Variants in NFAT5 observed in about 807,000 individuals in gnomAD.
NFAT5 encodes nuclear factor of activated T-cells 5.
Under a neutral mutation model 166.5 loss-of-function variants are expected in NFAT5, and 31 were observed. That is an observed-to-expected ratio of 0.19 (90% CI 0.14 to 0.25). NFAT5 has a LOEUF of 0.25. Ranked by LOEUF, NFAT5 falls within the 10% of genes least tolerant of loss-of-function variation. The pLI is 1.00. For synonymous variants in NFAT5, 612 were observed against 639.7 expected (o/e 0.96, Z 0.65); for missense variants, 1,449 against 1,821.8 (o/e 0.80, Z 3.72).
At chr16:69,629,278 G>C (rs1406807254) in intron 3 of NFAT5, among the ~76,000 whole-genome samples, 1 of 152,130 alleles carries the variant, frequency 6.6e-6, no homozygotes, top group Non-Finnish European at 1.5e-5. Context: ...GGGCATATGA[G>C]TGTTCATGGA....
At chr16:69,694,325 T>G (rs1049844514) in intron 13 of NFAT5, 86 bp downstream of exon 13, 4 of 996,942 alleles carry the variant, frequency 4.0e-6, no homozygotes, top group Non-Finnish European at 5.8e-6. Context: ...CTCAGCTCAC[T>G]GCACCTGCAC....
chr16:69,648,949 C>T (rs2035561505), intron 4 of NFAT5: 1 of 977,536 alleles, frequency 1.0e-6, no homozygotes, highest in Non-Finnish European at 1.2e-6. Flanking sequence ...AATTACTCTA[C>T]ACCGCTTCTT....
At position 69,626,667 on chromosome 16, in the gene NFAT5, A is replaced by T. The variant is rs977218726; in HGVS notation, c.253+139A>T. 4.6e-5 allele frequency: 28 copies of T among 606,334 alleles called. No homozygotes were observed. In the Admixed American group the frequency reaches 1.2e-3, roughly 26 times the overall value. The allele number at this position is 606,334 out of a possible 1,614,324, so 37.6% of individuals were successfully genotyped here. On this transcript the variant is annotated intron_variant, in intron 3 of 14. Transcript: ENST00000349945. ...AAGAGGCATTAAAATATGTACTTTT[A>T]ACCTTAAACTTTTTCAATATTATTT...
rs573111661 is a variant in NFAT5, at chr16:69,680,360, C to T, written c.1690+3025C>T. 2.0e-5 allele frequency among the ~76,000 whole-genome samples: 3 copies of T among 152,260 alleles called. No individual in the cohort carries two copies. The South Asian group carries it at 6.2e-4, about 32-fold the overall frequency. Reference sequence around the variant, plus strand: ...CCTGAAAACACTGAGATTTTCTTGTCTTCACTTGTTTCTTTGTTTTTATTG... The same window carrying T: ...CCTGAAAACACTGAGATTTTCTTGTTTTCACTTGTTTCTTTGTTTTTATTG... On this transcript the variant is annotated intron_variant, in intron 10 of 14. Coordinates refer to ENST00000349945, the MANE Select transcript of NFAT5 (RefSeq NM_138713.4).
At chr16:69,587,464 C>G (rs548910887) in intron 2 of NFAT5, among the ~76,000 whole-genome samples, 3 of 151,544 alleles carry the variant, frequency 2.0e-5, no homozygotes, top group Non-Finnish European at 4.4e-5. Context: ...TCTCGGCTTA[C>G]TGTAACCTCC....
intron 2 of NFAT5, among the ~76,000 whole-genome samples, chr16:69,600,033 T>A (rs964791546): frequency 6.6e-6 from 1 of 152,126 alleles, no homozygotes; most frequent in African/African-American, 2.4e-5. Context: ...TAGGAGGTAA[T>A]TGAAGTAGTT....
chr16:69,637,475 G>T (rs2035016682), intron 3 of NFAT5, among the ~76,000 whole-genome samples: 1 of 152,098 alleles, frequency 6.6e-6, no homozygotes, highest in Non-Finnish European at 1.5e-5. Context: ...AAGAAAAAAT[G>T]TTCATTTGGA....
Position 69,697,285 on chromosome 16 carries a change from C to T in NFAT5, c.*934C>T, listed in dbSNP as rs912205818. Reference sequence around the variant, plus strand: ...TACTGGCTTCATGACCCTGTAGCATCTTTGGCCACTTTAATCTAGGGTGAC... The same window carrying T: ...TACTGGCTTCATGACCCTGTAGCATTTTTGGCCACTTTAATCTAGGGTGAC... On this transcript the variant is annotated 3_prime_UTR_variant, in exon 15 of 15. Coordinates refer to ENST00000349945, the MANE Select transcript of NFAT5 (RefSeq NM_138713.4). 4 of 152,114 alleles carry T rather than the reference C, an allele frequency of 2.6e-5. No homozygotes were observed. The highest frequency in any genetic ancestry group is 5.9e-5 in the Non-Finnish European group (4 of 68,026). The allele number at this position is 152,114 out of a possible 1,614,324, so 9.4% of individuals were successfully genotyped here.
intron 11 of NFAT5, among the ~76,000 whole-genome samples, chr16:69,688,969 G>A (rs2037441340): frequency 6.6e-6 from 1 of 152,140 alleles, no homozygotes; most frequent in South Asian, 2.1e-4. Flanking sequence ...CTGAAGTTTT[G>A]TCTCAGTCAA....
rs1228584853 is a variant in NFAT5 at position 69,647,654 on chromosome 16, A to G, written c.812+68A>G. On this transcript the variant is annotated intron_variant, in intron 4 of 14. Coordinates refer to ENST00000349945, the MANE Select transcript of NFAT5 (RefSeq NM_138713.4). This position sits in a 1 kb window ranked among gnomAD's most constrained non-coding sequence, Gnocchi z 4.8. Reference sequence around the variant, plus strand: ...AACAAACAAACAAAAAAAATTCCCAATTTTTCCTAATTGCTGAGCTCAAGT... The same window carrying G: ...AACAAACAAACAAAAAAAATTCCCAGTTTTTCCTAATTGCTGAGCTCAAGT... 27 of 1,372,010 alleles carry G rather than the reference A, an allele frequency of 2.0e-5. No homozygotes were observed. Among genetic ancestry groups the G allele is most frequent in the Non-Finnish European group, 2.4e-5 (25 of 1,022,040 alleles). The allele number at this position is 1,372,010 out of a possible 1,614,324, so 85.0% of individuals were successfully genotyped here. A position where few individuals can be genotyped will look rare whatever the true frequency, so the allele number is the denominator to read the frequency against.
At chr16:69,690,317 G>A (rs1064825) in intron 11 of NFAT5, among the ~76,000 whole-genome samples, 6,329 of 150,908 alleles carry the variant, frequency 0.042, 177 homozygotes, top group Non-Finnish European at 0.056. Context: ...CTTATTTCTG[G>A]GGAAAAAAAA....
chr16:69,646,409 C>T, intron 3 of NFAT5: 2 of 354,470 alleles, frequency 5.6e-6, no homozygotes, highest in Non-Finnish European at 9.5e-6. Flanking sequence ...CATTTTGCCT[C>T]CAATTCAGTT....
At chr16:69,570,980 G>T (rs1425855237) in intron 2 of NFAT5, among the ~76,000 whole-genome samples, 2 of 151,924 alleles carry the variant, frequency 1.3e-5, no homozygotes, top group African/African-American at 4.8e-5. Flanking sequence ...GTTAGCTAAA[G>T]TTAAAAAATT....
chr16:69,668,118 C>T (rs2036477697), intron 7 of NFAT5, among the ~76,000 whole-genome samples: 1 of 152,040 alleles, frequency 6.6e-6, no homozygotes, highest in African/African-American at 2.4e-5. Flanking sequence ...AAGCATGTGC[C>T]AGCACACCCA....
chr16:69,681,302 T>C (rs985708232), intron 10 of NFAT5, among the ~76,000 whole-genome samples: 1 of 152,202 alleles, frequency 6.6e-6, no homozygotes, highest in African/African-American at 2.4e-5. Flanking sequence ...GGAGTAGAAG[T>C]GGTGACTGTT....
At chr16:69,646,578 G>A in intron 3 of NFAT5, 1 of 1,222,272 alleles carries the variant, frequency 8.2e-7, no homozygotes, top group Non-Finnish European at 1.1e-6. Context: ...CTGCTTCATA[G>A]GTTAGAAACT....
At chr16:69,591,123 G>C (rs2032435676) in intron 2 of NFAT5, among the ~76,000 whole-genome samples, 1 of 152,012 alleles carries the variant, frequency 6.6e-6, no homozygotes, top group South Asian at 2.1e-4. Flanking sequence ...GTAGAGATGG[G>C]GTTTTGCCAT....
rs2037607628 is a variant in NFAT5, at chr16:69,692,915, A to G, written c.3090A>G (p.Gln1030=). 1.2e-6 allele frequency: 2 copies of G among 1,614,206 alleles called. No homozygotes were observed. The highest frequency in any genetic ancestry group is 1.7e-6 in the Non-Finnish European group (2 of 1,180,030). The change falls in exon 13 of 15, where the codon CAA becomes CAG. Residue 1030 remains glutamine (Q), a synonymous_variant. Coordinates refer to ENST00000349945, the MANE Select transcript of NFAT5 (RefSeq NM_138713.4). ...NSVFQTMVQM[Q]HSGDNQPQVN... ...TCTTTCAGACCATGGTCCAAATGCA[A>G]CATAGTGGGGACAATCAACCTCAAG...
chr16:69,593,026 A>G (rs918923414), intron 2 of NFAT5, among the ~76,000 whole-genome samples: 12 of 152,180 alleles, frequency 7.9e-5, no homozygotes, highest in African/African-American at 2.9e-4. Context: ...GTTTAAGTAC[A>G]TATTTTTCTA....
Sources: gnomAD v4.1 joint callset for allele counts (sites outside exome capture counted in the v4.1 genomes callset) on GRCh38, gnomAD v4.1.1 for gene constraint, Gnocchi (gnomAD v3.1) non-coding constraint, MANE v1.5 for transcripts, NCBI Gene and HGNC (gene_info 2026-07-23, HGNC 2026-07-21) for gene names.